The following HS3ST4 variants were observed in gnomAD, a reference collection of about 807,000 sequenced individuals.
HS3ST4 encodes the protein heparan sulfate glucosamine 3-O-sulfotransferase 4.
A neutral mutation model predicts 29.2 loss-of-function variants in HS3ST4; 17 were observed. The observed-to-expected ratio is 0.58, with a 90% CI of 0.40 to 0.87. The LOEUF is 0.87. Among genes scored for constraint, HS3ST4 ranks in the 40% least tolerant of loss-of-function variants. The pLI is 0.00. For missense variants in HS3ST4, 627 were observed against 634.5 expected, an observed-to-expected ratio of 0.99 and a Z score of 0.13; for synonymous variants, 314 against 285.7, an observed-to-expected ratio of 1.10 and a Z score of -1.00.
chr16:25,728,751 C>G (rs1053314343), intron 1 of HS3ST4, among the ~76,000 whole-genome samples: 16 of 152,150 alleles, frequency 1.1e-4, no homozygotes, highest in Non-Finnish European at 2.1e-4. Context: ...CTTACATCTT[C>G]TGTTTCTCAG....
intron 1 of HS3ST4, among the ~76,000 whole-genome samples, chr16:25,737,318 T>C (rs1386954701): frequency 6.6e-6 from 1 of 151,834 alleles, no homozygotes; most frequent in Non-Finnish European, 1.5e-5. Flanking sequence ...TCTGGTTTGA[T>C]GTAGATTAAA....
At chr16:25,829,282 G>T (rs1443244438) in intron 1 of HS3ST4, among the ~76,000 whole-genome samples, 1 of 152,238 alleles carries the variant, frequency 6.6e-6, no homozygotes, top group Non-Finnish European at 1.5e-5. Flanking sequence ...GCAGCTTGCT[G>T]CCTAGAGGAG....
chr16:26,099,812 C>T (rs1031690048), intron 1 of HS3ST4, among the ~76,000 whole-genome samples: 2 of 152,018 alleles, frequency 1.3e-5, no homozygotes, highest in Admixed American at 6.6e-5. Flanking sequence ...CACACACACA[C>T]GCACACACGC....
At chr16:25,777,024 G>A (rs1373220807) in intron 1 of HS3ST4, among the ~76,000 whole-genome samples, 1 of 151,972 alleles carries the variant, frequency 6.6e-6, no homozygotes, top group African/African-American at 2.4e-5. Context: ...TTTTTCCATG[G>A]TTATTATTTA....
intron 1 of HS3ST4, among the ~76,000 whole-genome samples, chr16:26,030,396 C>T (rs1243671805): frequency 6.6e-6 from 1 of 152,080 alleles, no homozygotes; most frequent in Admixed American, 6.6e-5. Flanking sequence ...CCGGGTGAGA[C>T]GCCGTCTCTA....
rs1239333468 is a variant in HS3ST4, at chr16:25,802,439, CTG to C, written c.734+109290_734+109291del. Among the ~76,000 whole-genome samples the C allele has an allele frequency of 3.3e-5, 5 of 152,126 alleles. No individual in the cohort carries two copies. In the East Asian group the frequency reaches 9.6e-4, roughly 29 times the overall value. On this transcript the variant is annotated intron_variant, in intron 1 of 1. Transcript: ENST00000331351. ...TTTATTATATTCTGTTGATCTACCT[CTG>C]TTATGGTTTCAGTATACAGCGGCAA...
chr16:25,873,320 ATCCT>A (rs200321805), intron 1 of HS3ST4, among the ~76,000 whole-genome samples: 27,486 of 86,002 alleles, frequency 0.32, 3,001 homozygotes, highest in East Asian at 0.35. Context: ...CCATCCATCC[ATCCT>A]TCCTTCCTTC....
intron 1 of HS3ST4, among the ~76,000 whole-genome samples, chr16:25,981,336 TA>T (rs1213016567): frequency 0.024 from 3,466 of 143,624 alleles, 105 homozygotes; most frequent in African/African-American, 0.075. Context: ...AAACTCCGTC[TA>T]AAAAAAAAAA....
intron 1 of HS3ST4, among the ~76,000 whole-genome samples, chr16:25,782,576 T>C (rs760911503): frequency 5.9e-5 from 9 of 152,182 alleles, no homozygotes; most frequent in Non-Finnish European, 1.0e-4. Flanking sequence ...TCTGTATCTG[T>C]TTACCAATGT....
chr16:26,097,141 G>A (rs1898934752), intron 1 of HS3ST4, among the ~76,000 whole-genome samples: 1 of 152,272 alleles, frequency 6.6e-6, no homozygotes, highest in South Asian at 2.1e-4. Context: ...TCAATACCAT[G>A]AAAATGACCA....
At chr16:26,055,679 C>T (rs1020187251) in intron 1 of HS3ST4, among the ~76,000 whole-genome samples, 1 of 152,182 alleles carries the variant, frequency 6.6e-6, no homozygotes, top group Admixed American at 6.5e-5. Context: ...TAGTCACTAT[C>T]CCCTGGCTAA....
chr16:25,747,788 C>A (rs1184694591), intron 1 of HS3ST4, among the ~76,000 whole-genome samples: 1 of 152,154 alleles, frequency 6.6e-6, no homozygotes, highest in Admixed American at 6.5e-5. Flanking sequence ...GCAGACAATT[C>A]GTAGTTGGAG....
chr16:25,754,270 A>G (rs1966740923), intron 1 of HS3ST4, among the ~76,000 whole-genome samples: 1 of 152,126 alleles, frequency 6.6e-6, no homozygotes, highest in Admixed American at 6.6e-5. Flanking sequence ...AGGCCCTGGT[A>G]AGGAGCCTCC....
chr16:25,960,660 T>G (rs1409055555), intron 1 of HS3ST4, among the ~76,000 whole-genome samples: 1 of 152,218 alleles, frequency 6.6e-6, no homozygotes, highest in African/African-American at 2.4e-5. Context: ...TCTATGATCT[T>G]GACTCAGTGG....
At chr16:25,704,075 T>A (rs1312938216) in intron 1 of HS3ST4, among the ~76,000 whole-genome samples, 2 of 152,196 alleles carry the variant, frequency 1.3e-5, no homozygotes, top group Admixed American at 6.5e-5. Flanking sequence ...TAGTAGATGC[T>A]CAATGCATGG....
At chr16:25,885,615 G>C (rs1333746593) in intron 1 of HS3ST4, among the ~76,000 whole-genome samples, 4 of 151,998 alleles carry the variant, frequency 2.6e-5, no homozygotes, top group Admixed American at 2.6e-4. Flanking sequence ...CCACAAACTC[G>C]ATTCATTTGA....
At chr16:25,950,576 A>G (rs1169189897) in intron 1 of HS3ST4, among the ~76,000 whole-genome samples, 11 of 151,882 alleles carry the variant, frequency 7.2e-5, no homozygotes, top group Admixed American at 7.2e-4. Flanking sequence ...TTTTGCCTGA[A>G]ATGTTTATTT....
intron 1 of HS3ST4, among the ~76,000 whole-genome samples, chr16:25,997,354 A>G (rs1969166831): frequency 1.3e-5 from 2 of 152,194 alleles, no homozygotes; most frequent in African/African-American, 4.8e-5. Context: ...AGTTCTTTTA[A>G]TCATTTTTCA....
chr16:25,795,954 T>A (rs77919540), intron 1 of HS3ST4, among the ~76,000 whole-genome samples: 3,479 of 151,962 alleles, frequency 0.023, 138 homozygotes, highest in African/African-American at 0.08. Context: ...CTTTTTTTTT[T>A]AATCCCTTTT....
Sources: gnomAD v4.1 joint callset for allele counts (sites outside exome capture counted in the v4.1 genomes callset) on GRCh38, gnomAD v4.1.1 for gene constraint, MANE v1.5 for transcripts, NCBI Gene and HGNC (gene_info 2026-07-23, HGNC 2026-07-21) for gene names.